Variants in MDM1 observed in about 807,000 individuals in gnomAD.
MDM1 encodes stabilizer of axonemal microtubules 6, also known as Mdm1 nuclear protein.
In MDM1, 61 loss-of-function variants were observed where a neutral mutation model predicts 89.1. The observed-to-expected ratio is 0.68, with a 90% CI of 0.56 to 0.85. The LOEUF (loss-of-function observed/expected upper bound fraction) is 0.85, where lower values mean the gene tolerates loss of function less well. Ranked by LOEUF, MDM1 falls within the 40% of genes least tolerant of loss-of-function variation. The pLI, the probability that MDM1 is intolerant of heterozygous loss-of-function variation, is 0.00. For missense variants in MDM1, 820 were observed against 846.5 expected, an observed-to-expected ratio of 0.97 and a Z score of 0.39; for synonymous variants, 290 against 294.1, an observed-to-expected ratio of 0.99 and a Z score of 0.14.
Position 68,315,114 on chromosome 12 carries a change from C to T in MDM1, c.1363G>A (p.Asp455Asn). ...TIPVRRRLAWDTENTSEDVQK... is the reference protein window; with the variant it reads ...TIPVRRRLAWNTENTSEDVQK... Reference sequence around the variant, plus strand: ...ACGTCTTCACTTGTGTTCTCTGTATCCCAAGCCAGCCGCCTTCTAACGGGT... The same window carrying T: ...ACGTCTTCACTTGTGTTCTCTGTATTCCAAGCCAGCCGCCTTCTAACGGGT... Residue 455 changes from aspartate to asparagine, a missense_variant, in exon 10 of 15, where the codon GAT becomes AAT. Transcript: ENST00000682720. 1.2e-6 allele frequency: 2 copies of T among 1,614,146 alleles called. No individual in the cohort carries two copies. Among genetic ancestry groups the T allele is most frequent in the South Asian group, 2.2e-5 (2 of 91,082 alleles).
intron 2 of MDM1, chr12:68,327,639 A>G: frequency 1.2e-6 from 1 of 833,742 alleles, no homozygotes; most frequent in South Asian, 1.6e-5. Context: ...GCAGAATGAC[A>G]GCCACTGAGA....
At chr12:68,300,404 T>TA (rs1416197544) in intron 13 of MDM1, among the ~76,000 whole-genome samples, 1 of 152,056 alleles carries the variant, frequency 6.6e-6, no homozygotes, top group African/African-American at 2.4e-5. Context: ...CAGAATGGAT[T>TA]AAAAACCACA....
chr12:68,324,952 GAC>G, intron 4 of MDM1: 2 of 929,808 alleles, frequency 2.2e-6, no homozygotes, highest in Non-Finnish European at 2.6e-6. Context: ...TAGTTATACT[GAC>G]AATGCCTATT....
intron 7 of MDM1, among the ~76,000 whole-genome samples, chr12:68,318,926 A>G (rs896660593): frequency 6.6e-6 from 1 of 152,162 alleles, no homozygotes; most frequent in Admixed American, 6.5e-5. Context: ...CCCAAAAACC[A>G]TCCCCCCAAA....
At position 68,294,979 on chromosome 12, in the gene MDM1, G is replaced by A. The variant is rs544330465; in HGVS notation, c.*275C>T. The A allele has an allele frequency of 2.4e-4, 48 of 197,356 alleles. No individual in the cohort carries two copies. The highest frequency in any genetic ancestry group is 9.4e-4 in the African/African-American group (40 of 42,502). 12.2% of individuals were successfully genotyped at this position (197,356 alleles called of 1,614,324 possible). A position where few individuals can be genotyped will look rare whatever the true frequency, so the allele number is the denominator to read the frequency against. On this transcript the variant is annotated 3_prime_UTR_variant, in exon 15 of 15. Coordinates refer to ENST00000682720, the MANE Select transcript of MDM1 (RefSeq NM_001354969.2). The stretch of plus-strand genomic sequence containing the variant: ...TTTTTTTAGAATACTCTCTGGATAG[G>A]TGAAAATCTATCCATGACACCTATT...
chr12:68,327,610 T>TA, intron 2 of MDM1: 26 of 1,161,618 alleles, frequency 2.2e-5, no homozygotes, highest in Non-Finnish European at 3.1e-5. Flanking sequence ...TAACCTTCTA[T>TA]GAAGGTAAGA....
intron 3 of MDM1, chr12:68,326,321 C>T (rs1308604412): frequency 1.5e-6 from 2 of 1,366,952 alleles, no homozygotes; most frequent in African/African-American, 1.5e-5. Context: ...AGCTCAGCAC[C>T]CTGCCAGAAG....
intron 12 of MDM1, among the ~76,000 whole-genome samples, chr12:68,308,266 T>C (rs1379996458): frequency 5.3e-5 from 8 of 152,006 alleles, no homozygotes; most frequent in Admixed American, 6.5e-5. Context: ...GCTGGGACTA[T>C]AGGCGTGTGC....
At chr12:68,300,401 G>A (rs1871980986) in intron 13 of MDM1, among the ~76,000 whole-genome samples, 1 of 152,132 alleles carries the variant, frequency 6.6e-6, no homozygotes, top group African/African-American at 2.4e-5. Flanking sequence ...TGGCAGAATG[G>A]ATTAAAAACC....
At chr12:68,325,698 C>CA (rs1875873058) in intron 3 of MDM1, 123 bp from the exon 4 acceptor site, 3 of 1,341,244 alleles carry the variant, frequency 2.2e-6, no homozygotes, top group Admixed American at 6.0e-5. Context: ...ATCTACAGTG[C>CA]AAAATTGTTA....
intron 13 of MDM1, among the ~76,000 whole-genome samples, chr12:68,299,005 AG>A (rs1871788020): frequency 1.3e-5 from 2 of 152,228 alleles, no homozygotes; most frequent in Non-Finnish European, 2.9e-5. Flanking sequence ...CATCATACAA[AG>A]ACTCTCTATA....
intron 7 of MDM1, among the ~76,000 whole-genome samples, chr12:68,318,169 T>C (rs78467226): frequency 0.011 from 1,603 of 152,254 alleles, 27 homozygotes; most frequent in African/African-American, 0.036. Context: ...TGTCATAATA[T>C]TGATGGGGGT....
intron 4 of MDM1, among the ~76,000 whole-genome samples, chr12:68,323,738 T>C (rs555172126): frequency 1.3e-5 from 2 of 152,336 alleles, no homozygotes; most frequent in East Asian, 3.9e-4. Flanking sequence ...TTATACTTAC[T>C]ACTTCACAAT....
At chr12:68,328,499 G>A (rs1199890790) in intron 2 of MDM1, among the ~76,000 whole-genome samples, 1 of 152,128 alleles carries the variant, frequency 6.6e-6, no homozygotes, top group African/African-American at 2.4e-5. Context: ...CAAAATATAT[G>A]TAAAATATAT....
rs79822342 is a variant in MDM1, at chr12:68,311,721, G to A, written c.1749+1722C>T. Among the ~76,000 whole-genome samples, 475 of 152,170 alleles carry A rather than the reference G, an allele frequency of 3.1e-3. 5 individuals carry two copies. Among genetic ancestry groups the A allele is most frequent in the Middle Eastern group, 0.027 (8 of 294 alleles). On this transcript the variant is annotated intron_variant, in intron 12 of 14. Transcript: ENST00000682720. ...AACATGCTGTTGTGTCTTCCATCTT[G>A]TTCTCACTTCTCTCAACTACTCCTG...
chr12:68,302,423 T>C (rs1252490863), intron 13 of MDM1, among the ~76,000 whole-genome samples, 197 bp downstream of exon 13: 1 of 152,182 alleles, frequency 6.6e-6, no homozygotes, highest in Non-Finnish European at 1.5e-5. Context: ...CACACATATA[T>C]AACAGCAAAA....
chr12:68,308,829 C>T (rs1285465785), intron 12 of MDM1, among the ~76,000 whole-genome samples: 3 of 152,188 alleles, frequency 2.0e-5, no homozygotes, highest in African/African-American at 7.2e-5. Flanking sequence ...GTGCATGGTA[C>T]CTCCATCAAT....
chr12:68,331,455 A>T (rs1192801689), intron 1 of MDM1, among the ~76,000 whole-genome samples: 2 of 152,230 alleles, frequency 1.3e-5, no homozygotes, highest in East Asian at 3.8e-4. Flanking sequence ...CAGGAATTCC[A>T]GGCTCAGAGG....
Position 68,313,708 on chromosome 12 carries a change from A to C in MDM1, c.1575T>G (p.Thr525=), listed in dbSNP as rs1302779503. ...TTCCACCAAGTTCTCTCAGCTTGGG[A>C]GTAGGAAGCCGGCCTCCTTTTTCTG... ...VSSEKGGRLP[T]PKLRELGGIQ... The change falls in exon 11 of 15, where the codon ACT becomes ACG. Residue 525 remains threonine (T), a synonymous_variant. Coordinates refer to ENST00000682720, the MANE Select transcript of MDM1 (RefSeq NM_001354969.2). 1 of 1,614,210 alleles carries C rather than the reference A, an allele frequency of 6.2e-7. No individual in the cohort carries two copies.
Sources: allele counts gnomAD v4.1 joint callset (sites outside exome capture counted in the v4.1 genomes callset), GRCh38; gene constraint gnomAD v4.1.1; transcripts MANE v1.5; gene names NCBI Gene and HGNC (gene_info 2026-07-23, HGNC 2026-07-21).